CECR2: variants seen among roughly 807,000 people sequenced by gnomAD.
The protein encoded by CECR2 is CECR2 histone acetyl-lysine reader.
In CECR2, 30 loss-of-function variants were observed where a neutral mutation model predicts 154.5. That is an observed-to-expected ratio of 0.19 (90% CI 0.15 to 0.26). The LOEUF is 0.26. Among genes scored for constraint, CECR2 ranks in the 10% least tolerant of loss-of-function variants. CECR2 has a pLI of 1.00. For missense variants in CECR2, 1,743 were observed against 1,829.3 expected (o/e 0.95, Z 0.86); for synonymous variants, 725 against 683.7 (o/e 1.06, Z -0.94).
In CECR2 at chr22:17,548,126, CTCT is replaced by C. The variant is rs1569176191; in HGVS notation, c.2861-20_2861-18del. ...TTCAGCTACTGAGTTATTTTTTCTCCTCTTTTTTTTTTTTTTTGCAGCAGAGCC... is the reference window on the plus strand; with the variant it reads ...TTCAGCTACTGAGTTATTTTTTCTCCTTTTTTTTTTTTTTGCAGCAGAGCC... On this transcript the variant is annotated intron_variant, in intron 16 of 18. Coordinates refer to ENST00000262608, the MANE Select transcript of CECR2 (RefSeq NM_001290047.2). 15 of 1,396,264 alleles carry C rather than the reference CTCT, an allele frequency of 1.1e-5. No homozygotes were observed. Among genetic ancestry groups the C allele is most frequent in the East Asian group, 5.1e-5 (2 of 38,920 alleles). 86.5% of individuals were successfully genotyped at this position (1,396,264 alleles called of 1,614,324 possible).
chr22:17,524,014 A>G, intron 8 of CECR2, 104 bp from the exon 9 acceptor site: 1 of 876,490 alleles, frequency 1.1e-6, no homozygotes, highest in Non-Finnish European at 1.8e-6. Flanking sequence ...TAAAGTCCCT[A>G]GCTAATATTA....
chr22:17,533,422 G>T (rs561497477), intron 9 of CECR2, among the ~76,000 whole-genome samples: 4 of 151,442 alleles, frequency 2.6e-5, no homozygotes, highest in African/African-American at 9.7e-5. Flanking sequence ...TTGAGCTAAG[G>T]AGTTGAAGAT....
At chr22:17,496,684 C>T (rs1449334431) in intron 2 of CECR2, among the ~76,000 whole-genome samples, 3 of 152,144 alleles carry the variant, frequency 2.0e-5, no homozygotes, top group Admixed American at 6.5e-5. Context: ...GCCAACTATG[C>T]GTTTCTTTTT....
chr22:17,376,337 C>T (rs984882635), intron 1 of CECR2, among the ~76,000 whole-genome samples: 2 of 152,096 alleles, frequency 1.3e-5, no homozygotes, highest in Admixed American at 1.3e-4. Context: ...CCTGCGTTAG[C>T]ACATGGCTCG....
chr22:17,386,890 A>G (rs2063269351), intron 1 of CECR2, among the ~76,000 whole-genome samples: 1 of 152,126 alleles, frequency 6.6e-6, no homozygotes, highest in South Asian at 2.1e-4. Context: ...AACTCAGGTG[A>G]TCCACCCGCC....
chr22:17,554,277 C>G lies in CECR2; in HGVS notation c.*1437C>G, dbSNP rs1446664993. The G allele has an allele frequency of 6.6e-6, 1 of 152,124 alleles. No homozygotes were observed. Among genetic ancestry groups the G allele is most frequent in the East Asian group, 1.9e-4 (1 of 5,198 alleles). 9.4% of individuals were successfully genotyped at this position (152,124 alleles called of 1,614,324 possible). A position where few individuals can be genotyped will look rare whatever the true frequency, so the allele number is the denominator to read the frequency against. On this transcript the variant is annotated 3_prime_UTR_variant, in exon 19 of 19. Coordinates refer to ENST00000262608, the MANE Select transcript of CECR2 (RefSeq NM_001290047.2). The stretch of plus-strand genomic sequence containing the variant: ...AAAACTAAGGAAAATACTGAAATTA[C>G]AGGTCTTTGTAAAGAATAGCATATT...
At chr22:17,404,104 C>A (rs896026421) in intron 1 of CECR2, among the ~76,000 whole-genome samples, 23 of 151,566 alleles carry the variant, frequency 1.5e-4, no homozygotes, top group African/African-American at 3.9e-4. Context: ...CTAAAAATAA[C>A]AAAAATTAGC....
At chr22:17,485,649 C>T (rs938989566) in intron 2 of CECR2, among the ~76,000 whole-genome samples, 6 of 152,086 alleles carry the variant, frequency 3.9e-5, no homozygotes, top group African/African-American at 1.4e-4. Context: ...TGGCGCACAC[C>T]TGTAGTCCCA....
At chr22:17,496,918 A>G (rs1207780614) in intron 2 of CECR2, among the ~76,000 whole-genome samples, 1 of 152,248 alleles carries the variant, frequency 6.6e-6, no homozygotes, top group African/African-American at 2.4e-5. Context: ...GATAGTTGAC[A>G]AAACACAATA....
chr22:17,556,026 C>T lies in CECR2; in HGVS notation c.*3186C>T, dbSNP rs1481466783. ...GTTTTTAATTCAGCTACTTTTTCCC[C>T]TCAGTTAAAAGGTAGCAGGAGCTAT... On this transcript the variant is annotated 3_prime_UTR_variant, in exon 19 of 19. Coordinates refer to ENST00000262608, the MANE Select transcript of CECR2 (RefSeq NM_001290047.2). 2.6e-5 allele frequency: 4 copies of T among 152,146 alleles called. No homozygotes were observed. 9.4% of individuals were successfully genotyped at this position (152,146 alleles called of 1,614,324 possible).
Position 17,449,522 on chromosome 22 carries a change from C to T in CECR2, c.127-28066C>T, listed in dbSNP as rs980778643. On this transcript the variant is annotated intron_variant, in intron 1 of 18. Transcript: ENST00000262608. ...TTTTTTTTTTTGAGACAGAGTCTTG[C>T]TCTGTCGCCCAGGCTGGAGTGCAGT... Among the ~76,000 whole-genome samples, 3 of 111,196 alleles carry T rather than the reference C, an allele frequency of 2.7e-5. No homozygotes were observed. The South Asian group carries it at 1.0e-3, about 37-fold the overall frequency. 72.9% of individuals were successfully genotyped at this position (111,196 alleles called of 152,430 possible). A position where few individuals can be genotyped will look rare whatever the true frequency, so the allele number is the denominator to read the frequency against.
intron 1 of CECR2, among the ~76,000 whole-genome samples, chr22:17,461,054 C>T (rs559964676): frequency 2.0e-5 from 3 of 152,118 alleles, no homozygotes; most frequent in African/African-American, 7.2e-5. Flanking sequence ...TTCCCTAATT[C>T]GCAGCATCAG....
At chr22:17,513,956 A>C (rs987497294) in intron 8 of CECR2, among the ~76,000 whole-genome samples, 2 of 152,182 alleles carry the variant, frequency 1.3e-5, no homozygotes, top group African/African-American at 2.4e-5. Context: ...GCTTTCTTTT[A>C]TTCTACTCTT....
rs1364759551 is a variant in CECR2, at chr22:17,549,219, CGTT to C, written c.3935_3937del (p.Leu1312del). ...AACGCAGCTACCAAGCGGCAGAGCT[CGTT>C]GTCAGCCAGCGAGTATCTCTATGGA... On this transcript the variant is annotated inframe_deletion, in exon 17 of 19. Coordinates refer to ENST00000262608, the MANE Select transcript of CECR2 (RefSeq NM_001290047.2). 2.5e-6 allele frequency: 4 copies of C among 1,613,902 alleles called. No homozygotes were observed. Among genetic ancestry groups the C allele is most frequent in the Non-Finnish European group, 3.4e-6 (4 of 1,179,904 alleles).
chr22:17,389,609 C>T (rs926362186), intron 1 of CECR2, among the ~76,000 whole-genome samples: 1 of 152,020 alleles, frequency 6.6e-6, no homozygotes, highest in Non-Finnish European at 1.5e-5. Flanking sequence ...CCACGCCCAG[C>T]TCGGGGATAT....
chr22:17,369,667 G>GCCCCGCCGC lies in CECR2; in HGVS notation c.-108_-100dup, dbSNP rs1211935856. On this transcript the variant is annotated 5_prime_UTR_variant, in exon 1 of 19. Coordinates refer to ENST00000262608, the MANE Select transcript of CECR2 (RefSeq NM_001290047.2). ...GAGCGGCGGCAGCAGCGGGAGGAGC[G>GCCCCGCCGC]CCCCGCCGCCCCCGCCGAGGACCGC... 2.0e-5 allele frequency: 3 copies of GCCCCGCCGC among 147,322 alleles called. No homozygotes were observed. The highest frequency in any genetic ancestry group is 3.0e-5 in the Non-Finnish European group (2 of 66,164). The allele number at this position is 147,322 out of a possible 1,614,324, so 9.1% of individuals were successfully genotyped here. A position where few individuals can be genotyped will look rare whatever the true frequency, so the allele number is the denominator to read the frequency against.
At chr22:17,361,423 T>A (rs111941034) in intron 1 of CECR2, among the ~76,000 whole-genome samples, 2,359 of 149,830 alleles carry the variant, frequency 0.016, 55 homozygotes, top group African/African-American at 0.053. Context: ...GAGGCGGACG[T>A]TGCAGTGCAC....
At chr22:17,389,828 A>C (rs1190923820) in intron 1 of CECR2, among the ~76,000 whole-genome samples, 1 of 151,932 alleles carries the variant, frequency 6.6e-6, no homozygotes, top group African/African-American at 2.4e-5. Flanking sequence ...GGGTTTTGCC[A>C]TGTTAGCCAG....
intron 1 of CECR2, among the ~76,000 whole-genome samples, chr22:17,431,122 G>T (rs2054415737): frequency 6.6e-6 from 1 of 152,120 alleles, no homozygotes; most frequent in African/African-American, 2.4e-5. Context: ...TGCTGTATCT[G>T]TTTTTGCTAA....
Sources: allele counts gnomAD v4.1 joint callset (sites outside exome capture counted in the v4.1 genomes callset), GRCh38; gene constraint gnomAD v4.1.1; transcripts MANE v1.5; gene names NCBI Gene and HGNC (gene_info 2026-07-23, HGNC 2026-07-21).